Variants in CAMTA1 observed in about 807,000 individuals in gnomAD.
The protein encoded by CAMTA1 is calmodulin binding transcription activator 1.
CAMTA1 carries 27 observed loss-of-function variants against 170.9 expected under a neutral mutation model. That is an observed-to-expected ratio of 0.16 (90% confidence interval 0.12 to 0.22). CAMTA1 has a LOEUF of 0.22. Among genes scored for constraint, CAMTA1 ranks in the 10% least tolerant of loss-of-function variants. The probability of loss-of-function intolerance (pLI) is 1.00; values close to 1 mark genes in which losing one functional copy is unlikely to be tolerated. For synonymous variants in CAMTA1, 833 were observed against 891.5 expected (o/e 0.93, Z 1.17); for missense variants, 1,619 against 2,217.2 (o/e 0.73, Z 5.42).
Position 7,635,702 on chromosome 1 carries a change from G to A in CAMTA1, c.511-4698G>A, listed in dbSNP as rs996334936. Among the ~76,000 whole-genome samples, 2 of 151,548 alleles carry A rather than the reference G, an allele frequency of 1.3e-5. No homozygotes were observed. The highest frequency in any genetic ancestry group is 2.4e-5 in the African/African-American group (1 of 41,190). On this transcript the variant is annotated intron_variant, in intron 6 of 22. Transcript: ENST00000303635. This position sits in a 1 kb window ranked among gnomAD's most constrained non-coding sequence, Gnocchi z 4.4. ...CCCAACCCGGGCATTCCTGCAGGCC[G>A]CCCTGCTGAGCTGGTCCACCTGAGC... is the stretch of plus-strand genomic sequence containing the variant.
intron 6 of CAMTA1, among the ~76,000 whole-genome samples, chr1:7,591,235 T>G (rs2095353347): frequency 6.6e-6 from 1 of 152,272 alleles, no homozygotes; most frequent in African/African-American, 2.4e-5. Flanking sequence ...GAGATTAATT[T>G]GTTATTTTAG....
chr1:7,657,446 G>T lies in CAMTA1; in HGVS notation c.665-4280G>T, dbSNP rs955174146. Among the ~76,000 whole-genome samples, 10 of 152,266 alleles carry T rather than the reference G, an allele frequency of 6.6e-5. No homozygotes were observed. The South Asian group carries it at 2.1e-3, about 32-fold the overall frequency. On this transcript the variant is annotated intron_variant, in intron 7 of 22. Coordinates refer to ENST00000303635, the MANE Select transcript of CAMTA1 (RefSeq NM_015215.4). ...AGAGCCACCAGGACATTACCTTTCT[G>T]GGAATTCCTCTTTCTGTGCCTCCTC...
intron 3 of CAMTA1, among the ~76,000 whole-genome samples, chr1:6,977,569 T>A (rs577550776): frequency 1.1e-4 from 17 of 152,304 alleles, no homozygotes; most frequent in African/African-American, 3.6e-4. Flanking sequence ...ATCGATTTCC[T>A]GACCTTGGGA....
chr1:6,899,512 C>T (rs1676389963), intron 3 of CAMTA1, among the ~76,000 whole-genome samples: 3 of 151,754 alleles, frequency 2.0e-5, no homozygotes, highest in Non-Finnish European at 4.4e-5. Flanking sequence ...AGAGTTACTT[C>T]GCTGTTAAAA....
intron 5 of CAMTA1, among the ~76,000 whole-genome samples, chr1:7,451,790 G>A (rs770597692): frequency 6.6e-6 from 1 of 152,154 alleles, no homozygotes; most frequent in Non-Finnish European, 1.5e-5. Flanking sequence ...AGGGCTATTG[G>A]CTCCCTGCCC....
At chr1:7,636,912 T>C (rs955735390) in intron 6 of CAMTA1, among the ~76,000 whole-genome samples, 1 of 152,182 alleles carries the variant, frequency 6.6e-6, no homozygotes, top group African/African-American at 2.4e-5. Flanking sequence ...GGAAATAAAG[T>C]TGATGTTCAG....
rs1404710987 is a variant in CAMTA1 at position 7,224,459 on chromosome 1, A to C, written c.303-25032A>C. Among the ~76,000 whole-genome samples, 1 of 152,226 alleles carries C rather than the reference A, an allele frequency of 6.6e-6. No homozygotes were observed. The highest frequency in any genetic ancestry group is 6.5e-5 in the Admixed American group (1 of 15,282). On this transcript the variant is annotated intron_variant, in intron 4 of 22. Transcript: ENST00000303635. The surrounding 1 kb of genome is among the most constrained non-coding windows in gnomAD (Gnocchi z 5.2). ...AATCTGAGAAGGTTTTCATGTTCCC[A>C]ACGAGATCCAAGAGCAAAACAGTTT...
intron 3 of CAMTA1, among the ~76,000 whole-genome samples, chr1:7,001,299 C>T (rs1698175188): frequency 6.6e-6 from 1 of 152,202 alleles, no homozygotes; most frequent in African/African-American, 2.4e-5. Flanking sequence ...ACAATGCTCT[C>T]TACGTATTTG....
chr1:7,098,608 C>T (rs995898592), intron 4 of CAMTA1, among the ~76,000 whole-genome samples: 2 of 152,180 alleles, frequency 1.3e-5, no homozygotes, highest in African/African-American at 2.4e-5. Context: ...CCAGTCTCTG[C>T]ATGGAAATAG....
intron 4 of CAMTA1, among the ~76,000 whole-genome samples, chr1:7,207,809 T>C (rs1007462765): frequency 1.3e-5 from 2 of 152,278 alleles, no homozygotes; most frequent in African/African-American, 4.8e-5. Context: ...ATAAGAGCTC[T>C]TCTCTTCCTT....
intron 6 of CAMTA1, among the ~76,000 whole-genome samples, chr1:7,520,351 T>C (rs76803119): frequency 0.18 from 25,118 of 142,070 alleles, 2,886 homozygotes; most frequent in East Asian, 0.45. Flanking sequence ...CCACCACAAC[T>C]TGGGGCTGAG....
chr1:6,997,660 C>T (rs67165212), intron 3 of CAMTA1, among the ~76,000 whole-genome samples: 47,183 of 126,606 alleles, frequency 0.37, 9,998 homozygotes, highest in African/African-American at 0.6. Flanking sequence ...TCTTTTCTTT[C>T]TTTTTTTTTT....
intron 5 of CAMTA1, among the ~76,000 whole-genome samples, chr1:7,448,668 A>G (rs896968970): frequency 2.0e-5 from 3 of 152,202 alleles, no homozygotes; most frequent in Admixed American, 6.5e-5. Flanking sequence ...TTCCTGGTTC[A>G]TAGACCGTGC....
intron 5 of CAMTA1, among the ~76,000 whole-genome samples, chr1:7,417,886 A>T (rs2091298491): frequency 6.6e-6 from 1 of 151,948 alleles, no homozygotes; most frequent in South Asian, 2.1e-4. Context: ...GGAGCTATAG[A>T]CCCGAGCTGT....
At chr1:7,623,020 C>T (rs185615545) in intron 6 of CAMTA1, among the ~76,000 whole-genome samples, 6 of 152,360 alleles carry the variant, frequency 3.9e-5, no homozygotes, top group African/African-American at 1.2e-4. Context: ...TTCTTTTTAT[C>T]ATCTCAGATA....
chr1:6,960,136 A>T (rs934049375), intron 3 of CAMTA1, among the ~76,000 whole-genome samples: 8 of 152,218 alleles, frequency 5.3e-5, no homozygotes, highest in African/African-American at 1.9e-4. Flanking sequence ...TTTTTCTTGA[A>T]ATCTGTAAAG....
At chr1:7,238,509 T>C (rs1294275334) in intron 4 of CAMTA1, among the ~76,000 whole-genome samples, 1 of 152,244 alleles carries the variant, frequency 6.6e-6, no homozygotes, top group Non-Finnish European at 1.5e-5. Flanking sequence ...CTGGAGGAAT[T>C]CCTTCATGGC....
rs889875577 is a variant in CAMTA1 at position 6,804,176 on chromosome 1, C to CTT, written c.46-15985_46-15984dup. Among the ~76,000 whole-genome samples the CTT allele has an allele frequency of 3.1e-4, 36 of 116,452 alleles. 1 individual carries two copies. The highest frequency in any genetic ancestry group is 7.7e-4 in the African/African-American group (24 of 31,196). 76.4% of individuals were successfully genotyped at this position (116,452 alleles called of 152,430 possible). ...TCCAGCCTGGGAAACGAGCGAAACT[C>CTT]TTTTTTTTTTTTTTTTTTTTTGGTA... On this transcript the variant is annotated intron_variant, in intron 1 of 22. Coordinates refer to ENST00000303635, the MANE Select transcript of CAMTA1 (RefSeq NM_015215.4).
intron 5 of CAMTA1, among the ~76,000 whole-genome samples, chr1:7,357,176 C>T (rs1245273529): frequency 6.6e-6 from 1 of 152,218 alleles, no homozygotes; most frequent in Non-Finnish European, 1.5e-5. Context: ...ATCCAGTCTC[C>T]TGGAGCATCC....
Sources: gnomAD v4.1 joint callset for allele counts (sites outside exome capture counted in the v4.1 genomes callset) on GRCh38, gnomAD v4.1.1 for gene constraint, Gnocchi (gnomAD v3.1) non-coding constraint, MANE v1.5 for transcripts, NCBI Gene and HGNC (gene_info 2026-07-23, HGNC 2026-07-21) for gene names.